The following PAM variants were observed in gnomAD, a reference collection of about 807,000 sequenced individuals.
PAM encodes peptidyl-glycine alpha-amidating monooxygenase.
Under a neutral mutation model 122.1 loss-of-function variants are expected in PAM, and 72 were observed. The observed-to-expected ratio is 0.59, with a 90% CI of 0.49 to 0.72. The LOEUF (loss-of-function observed/expected upper bound fraction) is 0.72. PAM is among the 30% of genes least tolerant of loss of function. The pLI is 0.00. For synonymous variants in PAM, 389 were observed against 404.4 expected (o/e 0.96, Z 0.46); for missense variants, 1,106 against 1,183.7 (o/e 0.93, Z 0.96).
chr5:103,011,193 G>A (rs941798652), intron 21 of PAM, among the ~76,000 whole-genome samples: 7 of 152,160 alleles, frequency 4.6e-5, no homozygotes, highest in Admixed American at 3.3e-4. Flanking sequence ...GGAGAGCCAC[G>A]TCTGTGACCC....
At chr5:102,978,020 A>G (rs1175664478) in intron 15 of PAM, among the ~76,000 whole-genome samples, 2 of 152,188 alleles carry the variant, frequency 1.3e-5, no homozygotes, top group East Asian at 1.9e-4. Flanking sequence ...GTTATAGTAC[A>G]TTAACAATTG....
intron 1 of PAM, among the ~76,000 whole-genome samples, chr5:102,770,476 T>C (rs565784093): frequency 1.3e-5 from 2 of 152,250 alleles, no homozygotes; most frequent in South Asian, 4.1e-4. Context: ...TTTTTTCCCA[T>C]CCAGTAAGAT....
At chr5:103,028,114 T>G in intron 24 of PAM, 71 bp from the exon 25 acceptor site, 1 of 1,149,696 alleles carries the variant, frequency 8.7e-7, no homozygotes, top group South Asian at 1.3e-5. Flanking sequence ...TATTTTAAGT[T>G]GGAAGTTGAG....
intron 1 of PAM, among the ~76,000 whole-genome samples, chr5:102,862,223 CT>C (rs1156490190): frequency 0.022 from 3,009 of 135,470 alleles, 97 homozygotes; most frequent in African/African-American, 0.07. Flanking sequence ...CACATATTGT[CT>C]TTTTTTTTTT....
Position 102,948,415 on chromosome 5 carries a change from G to T in PAM, c.613G>T (p.Val205Phe). The T allele has an allele frequency of 6.3e-7, 1 of 1,587,312 alleles. No individual in the cohort carries two copies. Among genetic ancestry groups the T allele is most frequent in the Non-Finnish European group, 8.6e-7 (1 of 1,157,600 alleles). Residue 205 changes from valine to phenylalanine, a missense_variant, in exon 9 of 26, where the codon GTT becomes TTT. By Grantham distance (50) the Val-to-Phe change is conservative. Coordinates refer to ENST00000438793, the MANE Select transcript of PAM (RefSeq NM_001177306.2). ...TGCTGGCATGTACCTTATGATGTCT[G>T]TTGACACTGTTATCCCAGCAGGAGA... ...LIAGMYLMMSVDTVIPAGEKV... is the reference protein window; with the variant it reads ...LIAGMYLMMSFDTVIPAGEKV...
intron 1 of PAM, among the ~76,000 whole-genome samples, chr5:102,844,664 C>T (rs1335350439): frequency 6.6e-6 from 1 of 151,752 alleles, no homozygotes; most frequent in Non-Finnish European, 1.5e-5. Flanking sequence ...AAGACTCTGT[C>T]TCTCTTAAAA....
intron 1 of PAM, among the ~76,000 whole-genome samples, chr5:102,836,675 C>T (rs377272242): frequency 1.1e-3 from 167 of 152,094 alleles, no homozygotes; most frequent in Non-Finnish European, 2.0e-3. Context: ...CCTTCTTATT[C>T]CCTCCCTCCT....
At chr5:102,965,197 A>ACACC (rs776180928) in intron 14 of PAM, among the ~76,000 whole-genome samples, 4 of 150,064 alleles carry the variant, frequency 2.7e-5, no homozygotes, top group Non-Finnish European at 4.5e-5. Flanking sequence ...ACACACACAC[A>ACACC]CCTCACATAT....
chr5:102,879,433 T>C (rs1790265554), intron 3 of PAM, among the ~76,000 whole-genome samples: 1 of 152,096 alleles, frequency 6.6e-6, no homozygotes, highest in Non-Finnish European at 1.5e-5. Context: ...CAAATTGTAA[T>C]CCCCAATGTT....
chr5:103,017,884 A>G (rs914223680), intron 22 of PAM, among the ~76,000 whole-genome samples: 4 of 152,128 alleles, frequency 2.6e-5, no homozygotes, highest in Non-Finnish European at 5.9e-5. Context: ...AAGCACTTTG[A>G]ATTTTCTGCT....
At chr5:102,894,053 T>G (rs1457149103) in intron 3 of PAM, among the ~76,000 whole-genome samples, 2 of 151,666 alleles carry the variant, frequency 1.3e-5, no homozygotes, top group Non-Finnish European at 3.0e-5. Context: ...AACTTTGTGG[T>G]GACTGCTATG....
intron 7 of PAM, among the ~76,000 whole-genome samples, chr5:102,928,371 AC>A (rs1341258935): frequency 6.6e-6 from 1 of 152,228 alleles, no homozygotes; most frequent in Non-Finnish European, 1.5e-5. Context: ...TAGTAAAAGT[AC>A]TGATATTTTA....
At position 102,782,206 on chromosome 5, in the gene PAM, C is replaced by A. The variant is rs79674736; in HGVS notation, c.-374+26858C>A. Among the ~76,000 whole-genome samples, 104 of 152,324 alleles carry A rather than the reference C, an allele frequency of 6.8e-4. 1 individual carries two copies. In the East Asian group the frequency reaches 0.01, roughly 15 times the overall value. ...ACCTCACACTTCTCCAACATTTACA[C>A]CAAAGGTGAATTTGCTCTTTATAGG... is the stretch of plus-strand genomic sequence containing the variant. On this transcript the variant is annotated intron_variant, in intron 1 of 25. Coordinates refer to ENST00000438793, the MANE Select transcript of PAM (RefSeq NM_001177306.2).
At chr5:102,867,234 A>G (rs1407862152) in intron 2 of PAM, 39 bp from the exon 3 acceptor site, 7 of 1,451,194 alleles carry the variant, frequency 4.8e-6, no homozygotes, top group Non-Finnish European at 6.8e-6. Context: ...TTTAGATTCC[A>G]TTATGTTCAA....
intron 1 of PAM, among the ~76,000 whole-genome samples, chr5:102,784,250 C>T (rs577377482): frequency 4.6e-5 from 7 of 152,264 alleles, no homozygotes; most frequent in Admixed American, 1.3e-4. Flanking sequence ...CCCTGTGTAA[C>T]CTCTAAGCTC....
chr5:103,001,561 AT>A (rs1323414060), intron 16 of PAM, among the ~76,000 whole-genome samples: 5 of 152,150 alleles, frequency 3.3e-5, no homozygotes, highest in Non-Finnish European at 7.4e-5. Context: ...CTGAATCAAT[AT>A]TTTGTGTTCA....
intron 1 of PAM, among the ~76,000 whole-genome samples, chr5:102,813,907 G>A (rs1204483468): frequency 6.6e-6 from 1 of 152,160 alleles, no homozygotes; most frequent in African/African-American, 2.4e-5. Flanking sequence ...CTTTTGTGGG[G>A]GGTTTGCTAT....
At chr5:102,826,047 A>C (rs258244) in intron 1 of PAM, among the ~76,000 whole-genome samples, 92,921 of 151,978 alleles carry the variant, frequency 0.61, 28,716 homozygotes, top group South Asian at 0.78. Context: ...ATAAGAATAC[A>C]GTGTTTGCAA....
chr5:102,758,338 G>A lies in PAM; in HGVS notation c.-374+2990G>A, dbSNP rs1450573722. On this transcript the variant is annotated intron_variant, in intron 1 of 25. Transcript: ENST00000438793. Reference sequence around the variant, plus strand: ...GGCATGGCAGGCTGAGGGGCAGCCTGAGGGACATAATGTTAACTTTACACT... The same window carrying A: ...GGCATGGCAGGCTGAGGGGCAGCCTAAGGGACATAATGTTAACTTTACACT... Among the ~76,000 whole-genome samples, 4 of 152,010 alleles carry A rather than the reference G, an allele frequency of 2.6e-5. No individual in the cohort carries two copies. The South Asian group carries it at 6.2e-4, about 24-fold the overall frequency.
Sources: allele counts gnomAD v4.1 joint callset (sites outside exome capture counted in the v4.1 genomes callset), GRCh38; gene constraint gnomAD v4.1.1; transcripts MANE v1.5; gene names NCBI Gene and HGNC (gene_info 2026-07-23, HGNC 2026-07-21).